JADE1: variants seen among roughly 807,000 people sequenced by gnomAD.
JADE1 encodes the protein jade family PHD finger 1.
JADE1 carries 14 observed loss-of-function variants against 81.8 expected under a neutral mutation model. The ratio of observed to expected loss-of-function variants is 0.17; its 90% CI spans 0.11 to 0.27. The LOEUF (loss-of-function observed/expected upper bound fraction) is 0.27. Among genes scored for constraint, JADE1 ranks in the 10% least tolerant of loss-of-function variants. The probability of loss-of-function intolerance (pLI) is 1.00; values close to 1 mark genes in which losing one functional copy is unlikely to be tolerated. For missense variants in JADE1, 690 were observed against 1,047.9 expected (o/e 0.66, Z 4.71); for synonymous variants, 353 against 391.9 (o/e 0.90, Z 1.17).
At chr4:128,812,414 G>T (rs1009732589) in intron 1 of JADE1, among the ~76,000 whole-genome samples, 1 of 151,998 alleles carries the variant, frequency 6.6e-6, no homozygotes, top group Non-Finnish European at 1.5e-5. Flanking sequence ...GCCGCTGCGG[G>T]GCGGCGGCCG....
At chr4:128,857,594 C>G (rs1730901173) in intron 8 of JADE1, 140 bp downstream of exon 8, 1 of 678,684 alleles carries the variant, frequency 1.5e-6, no homozygotes, top group South Asian at 1.8e-5. Context: ...CAAGGGGTGA[C>G]TCCAGCCCCA....
rs200471144 is a variant in JADE1, at chr4:128,843,005, C to G, written c.105C>G (p.Ser35=). ...QNSRSQHRRS[S]CSRHEDRKPS... is the part of the protein sequence containing the mutation. ...CCCGATCCCAGCATAGGAGAAGCTCCTGCTCCAGACATGAAGATCGAAAGC... is the reference window on the plus strand; with the variant it reads ...CCCGATCCCAGCATAGGAGAAGCTCGTGCTCCAGACATGAAGATCGAAAGC... The change falls in exon 3 of 11, where the codon TCC becomes TCG. Residue 35 remains serine (S), a synonymous_variant. Transcript: ENST00000226319. The G allele has an allele frequency of 6.2e-7, 1 of 1,614,078 alleles. No individual in the cohort carries two copies. Among genetic ancestry groups the G allele is most frequent in the Admixed American group, 1.7e-5 (1 of 60,028 alleles).
At chr4:128,811,892 C>G (rs955106799) in intron 1 of JADE1, 6 of 151,536 alleles carry the variant, frequency 4.0e-5, no homozygotes, top group African/African-American at 9.7e-5. Flanking sequence ...GAGCGGGAGC[C>G]GAGCCCGCTC....
intron 1 of JADE1, among the ~76,000 whole-genome samples, chr4:128,820,767 G>A (rs1727496494): frequency 6.6e-6 from 1 of 151,944 alleles, no homozygotes; most frequent in African/African-American, 2.4e-5. Context: ...CTGACAACCG[G>A]GTATAATCAA....
intron 8 of JADE1, among the ~76,000 whole-genome samples, chr4:128,860,257 T>A (rs1731208432): frequency 6.6e-6 from 1 of 152,154 alleles, no homozygotes; most frequent in Non-Finnish European, 1.5e-5. Flanking sequence ...TTCTTAGAAT[T>A]GAGGTTATTT....
At position 128,847,310 on chromosome 4, in the gene JADE1, C is replaced by T. The variant is rs113858660; in HGVS notation, c.296+778C>T. 1.5e-3 allele frequency among the ~76,000 whole-genome samples: 222 copies of T among 152,354 alleles called. 2 individuals carry two copies. The highest frequency in any genetic ancestry group is 4.9e-3 in the African/African-American group (203 of 41,586). The stretch of plus-strand genomic sequence containing the variant: ...CTTTGCGAAATAGTGTCTTTCTCCA[C>T]GCTGAGTCATTACTGAACTTGCTTC... On this transcript the variant is annotated intron_variant, in intron 4 of 10. Transcript: ENST00000226319.
At chr4:128,859,195 AGT>A (rs1185250633) in intron 8 of JADE1, among the ~76,000 whole-genome samples, 30 of 149,894 alleles carry the variant, frequency 2.0e-4, no homozygotes, top group African/African-American at 6.7e-4. Flanking sequence ...TGCATGTGTG[AGT>A]GTGTGTGTAT....
At chr4:128,849,775 G>A (rs546036759) in intron 5 of JADE1, among the ~76,000 whole-genome samples, 2 of 152,200 alleles carry the variant, frequency 1.3e-5, no homozygotes, top group South Asian at 2.1e-4. Flanking sequence ...GTATGTAGAC[G>A]TTGGAGCATC....
intron 1 of JADE1, among the ~76,000 whole-genome samples, chr4:128,815,262 A>G (rs990513711): frequency 1.3e-5 from 2 of 151,124 alleles, no homozygotes; most frequent in African/African-American, 2.5e-5. Context: ...CACCATGCCC[A>G]GCTAATTTTT....
At chr4:128,810,059 G>A (rs941854344) in intron 1 of JADE1, 182 bp downstream of exon 1, 1 of 153,100 alleles carries the variant, frequency 6.5e-6, no homozygotes, top group Non-Finnish European at 1.5e-5. Context: ...GCTTTGCTCG[G>A]GAGTTCTCGG....
At chr4:128,867,790 T>G in intron 9 of JADE1, 66 bp from the exon 10 acceptor site, 1 of 1,044,308 alleles carries the variant, frequency 9.6e-7, no homozygotes, top group Non-Finnish European at 1.4e-6. Context: ...GTAAAGAAAT[T>G]TAAAAAGCAC....
At chr4:128,826,250 G>T (rs1399356079) in intron 1 of JADE1, among the ~76,000 whole-genome samples, 1 of 152,202 alleles carries the variant, frequency 6.6e-6, no homozygotes, top group African/African-American at 2.4e-5. Context: ...TTGTAGCCAC[G>T]CTGAGAGGCC....
chr4:128,868,975 C>G (rs966580771), intron 10 of JADE1, among the ~76,000 whole-genome samples: 3 of 152,156 alleles, frequency 2.0e-5, no homozygotes, highest in Non-Finnish European at 4.4e-5. Flanking sequence ...GGCTTTTTGT[C>G]ACTCCATCTA....
rs1420246233 is a variant in JADE1, at chr4:128,874,978, A to G, written c.*2716A>G. On this transcript the variant is annotated 3_prime_UTR_variant, in exon 11 of 11. Transcript: ENST00000226319. ...ACAGAGGATTTTTCACTATGTGCCTAGCTTGGTGTCCATTCAGCTAAAATT... is the reference window on the plus strand; with the variant it reads ...ACAGAGGATTTTTCACTATGTGCCTGGCTTGGTGTCCATTCAGCTAAAATT... 2 of 152,088 alleles carry G rather than the reference A, an allele frequency of 1.3e-5. No individual in the cohort carries two copies. The highest frequency in any genetic ancestry group is 4.9e-5 in the African/African-American group (2 of 41,190). 9.4% of individuals were successfully genotyped at this position (152,088 alleles called of 1,614,324 possible).
chr4:128,868,986 G>T (rs1731987685), intron 10 of JADE1, among the ~76,000 whole-genome samples: 1 of 152,160 alleles, frequency 6.6e-6, no homozygotes, highest in Admixed American at 6.5e-5. Context: ...ACTCCATCTA[G>T]ATTATTATGG....
chr4:128,841,631 T>C (rs1225686345), intron 2 of JADE1, among the ~76,000 whole-genome samples: 1 of 152,160 alleles, frequency 6.6e-6, no homozygotes, highest in Non-Finnish European at 1.5e-5. Flanking sequence ...TACCTTAGGA[T>C]TGATGTCTTA....
chr4:128,838,049 A>G (rs1345419985), intron 2 of JADE1, among the ~76,000 whole-genome samples: 1 of 152,212 alleles, frequency 6.6e-6, no homozygotes, highest in Non-Finnish European at 1.5e-5. Context: ...GCAAGACAGC[A>G]TGGCTATTTT....
intron 2 of JADE1, among the ~76,000 whole-genome samples, chr4:128,836,372 ACAT>A (rs1312469400): frequency 3.9e-5 from 6 of 152,128 alleles, no homozygotes; most frequent in Non-Finnish European, 7.3e-5. Context: ...GAAAATATTA[ACAT>A]CATAAAGAAG....
chr4:128,870,484 A>AT, intron 10 of JADE1, among the ~76,000 whole-genome samples: 1 of 152,156 alleles, frequency 6.6e-6, no homozygotes, highest in Non-Finnish European at 1.5e-5. Flanking sequence ...GACAAACACT[A>AT]ATGTGTTATG....
Sources: allele counts gnomAD v4.1 joint callset (sites outside exome capture counted in the v4.1 genomes callset), GRCh38; gene constraint gnomAD v4.1.1; transcripts MANE v1.5; gene names NCBI Gene and HGNC (gene_info 2026-07-23, HGNC 2026-07-21).